The following RGSL1 variants were observed in gnomAD, a reference collection of about 807,000 sequenced individuals.
RGSL1 encodes regulator of G protein signaling protein-like.
A neutral mutation model predicts 124.7 loss-of-function variants in RGSL1; 97 were observed. The observed-to-expected ratio is 0.78, with a 90% CI of 0.66 to 0.92. The LOEUF is 0.92. RGSL1 is among the 40% of genes least tolerant of loss of function. The probability of loss-of-function intolerance (pLI) is 0.00; values close to 1 mark genes in which losing one functional copy is unlikely to be tolerated. For missense variants in RGSL1, 1,233 were observed against 1,288.4 expected, an observed-to-expected ratio of 0.96 and a Z score of 0.66; for synonymous variants, 424 against 438.1, an observed-to-expected ratio of 0.97 and a Z score of 0.40.
chr1:182,546,760 AAAT>A (rs1177947826), intron 15 of RGSL1, among the ~76,000 whole-genome samples: 1 of 152,218 alleles, frequency 6.6e-6, no homozygotes, highest in Non-Finnish European at 1.5e-5. Flanking sequence ...GTTTTCATAG[AAAT>A]AATAACTTTT....
intron 18 of RGSL1, among the ~76,000 whole-genome samples, chr1:182,552,258 C>T (rs2102333546): frequency 6.6e-6 from 1 of 152,174 alleles, no homozygotes; most frequent in Non-Finnish European, 1.5e-5. Flanking sequence ...GGACTACAGG[C>T]ACCTGCCACT....
chr1:182,466,738 A>AT (rs1653363367), intron 4 of RGSL1, among the ~76,000 whole-genome samples: 1 of 152,208 alleles, frequency 6.6e-6, no homozygotes, highest in Non-Finnish European at 1.5e-5. Context: ...TGTTGTTAAC[A>AT]TGCCAATACA....
intron 8 of RGSL1, among the ~76,000 whole-genome samples, chr1:182,491,735 C>G (rs185574088): frequency 9.4e-4 from 143 of 152,282 alleles, no homozygotes; most frequent in African/African-American, 3.4e-3. Flanking sequence ...CACCCCAGTA[C>G]TCTTTATAGA....
At position 182,554,676 on chromosome 1, in the gene RGSL1, G is replaced by C; in HGVS notation, c.3180G>C (p.Gln1060His). Reference sequence around the variant, plus strand: ...CAAGACTCGTGGTATCTGCCATGCAGCTGCATCCCGTCCAGGGGTAGGCAT... The same window carrying C: ...CAAGACTCGTGGTATCTGCCATGCACCTGCATCCCGTCCAGGGGTAGGCAT... ...TQPRLVVSAM[Q>H]LHPVQGQKLS... Residue 1060 changes from glutamine (Q) to histidine (H), a missense_variant, in exon 20 of 22, where the codon CAG becomes CAC. Coordinates refer to ENST00000294854, the MANE Select transcript of RGSL1 (RefSeq NM_001137669.2). 1 of 1,551,688 alleles carries C rather than the reference G, an allele frequency of 6.4e-7. No homozygotes were observed. Among genetic ancestry groups the C allele is most frequent in the South Asian group, 1.2e-5 (1 of 84,060 alleles).
chr1:182,480,084 T>C (rs1223537457), intron 6 of RGSL1, among the ~76,000 whole-genome samples: 2 of 152,174 alleles, frequency 1.3e-5, no homozygotes, highest in African/African-American at 2.4e-5. Context: ...GGATACATCA[T>C]ACGGACAGAA....
At chr1:182,535,985 T>C (rs1659510750) in intron 14 of RGSL1, among the ~76,000 whole-genome samples, 1 of 152,174 alleles carries the variant, frequency 6.6e-6, no homozygotes, top group South Asian at 2.1e-4. Context: ...CTGCTTTCTA[T>C]TACTACAGTT....
chr1:182,501,068 C>T (rs903962599), intron 9 of RGSL1, among the ~76,000 whole-genome samples: 3 of 152,050 alleles, frequency 2.0e-5, no homozygotes, highest in African/African-American at 7.2e-5. Flanking sequence ...TGTCTTCTTC[C>T]TGAGCTGAGG....
chr1:182,448,999 G>A (rs1233771895), upstream of RGSL1, among the ~76,000 whole-genome samples: 1 of 152,102 alleles, frequency 6.6e-6, no homozygotes, highest in African/African-American at 2.4e-5. Context: ...TATTTTAGGA[G>A]GAGACCTTGA....
chr1:182,492,160 A>G (rs1278019624), intron 8 of RGSL1, among the ~76,000 whole-genome samples: 2 of 152,184 alleles, frequency 1.3e-5, no homozygotes, highest in Non-Finnish European at 1.5e-5. Flanking sequence ...GCCATTTGTT[A>G]TTCTTAGGGG....
Position 182,454,077 on chromosome 1 carries a change from A to G in RGSL1, c.96+37A>G, listed in dbSNP as rs145495341. On this transcript the variant is annotated intron_variant, in intron 2 of 21. Coordinates refer to ENST00000294854, the MANE Select transcript of RGSL1 (RefSeq NM_001137669.2). ...CAGATTTAAATACAAATATTTCATCAGCAGCTGAATAGTGAATCTCACAGA... is the reference window on the plus strand; with the variant it reads ...CAGATTTAAATACAAATATTTCATCGGCAGCTGAATAGTGAATCTCACAGA... The G allele has an allele frequency of 1.7e-3, 2,050 of 1,216,646 alleles. 20 individuals carry two copies. In the African/African-American group the frequency reaches 0.018, roughly 11 times the overall value. The allele number at this position is 1,216,646 out of a possible 1,614,324, so 75.4% of individuals were successfully genotyped here. A position where few individuals can be genotyped will look rare whatever the true frequency, so the allele number is the denominator to read the frequency against.
At chr1:182,509,867 TCCTCACTTCCCAGATGGGGTGGCTGCC>T (rs1657253913) in intron 9 of RGSL1, among the ~76,000 whole-genome samples, 2 of 138,220 alleles carry the variant, frequency 1.4e-5, no homozygotes, top group Admixed American at 6.9e-5. Context: ...GCGGAGACGC[TCCTCACTTCCCAGATGGGGTGGCTGCC>T]GGGCGGAGAG....
chr1:182,473,858 G>A lies in RGSL1; in HGVS notation c.747G>A (p.Arg249=). Residue 249 remains arginine, a synonymous_variant, in exon 6 of 22, where the codon AGG becomes AGA. Coordinates refer to ENST00000294854, the MANE Select transcript of RGSL1 (RefSeq NM_001137669.2). ...CHHFQKRYSS[R]KAKRKMWQLV... is the part of the protein sequence containing the mutation. ...ACTTTCAGAAACGGTACTCAAGCAG[G>A]AAAGCCAAGAGGAAGATGTGGCAAT... 2 of 1,551,792 alleles carry A rather than the reference G, an allele frequency of 1.3e-6. No homozygotes were observed. Among genetic ancestry groups the A allele is most frequent in the South Asian group, 1.2e-5 (1 of 84,056 alleles).
intron 8 of RGSL1, among the ~76,000 whole-genome samples, chr1:182,491,695 T>A (rs1361085695): frequency 6.6e-6 from 1 of 152,172 alleles, no homozygotes; most frequent in African/African-American, 2.4e-5. Flanking sequence ...GTGATGATGA[T>A]GATGATGATG....
Position 182,489,113 on chromosome 1 carries a change from A to T in RGSL1, c.1628A>T (p.Asp543Val). 1.3e-6 allele frequency: 2 copies of T among 1,551,682 alleles called. No individual in the cohort carries two copies. The highest frequency in any genetic ancestry group is 1.7e-6 in the Non-Finnish European group (2 of 1,147,000). Residue 543 changes from aspartate to valine, a missense_variant, in exon 8 of 22, where the codon GAC becomes GTC. By Grantham distance (152) the Asp-to-Val change is radical. Coordinates refer to ENST00000294854, the MANE Select transcript of RGSL1 (RefSeq NM_001137669.2). ...GCTTTGGCTGACATGAAGGAAATGG[A>T]CTATAGGCAGTGGCGAAAGATAGCT... ...SQALADMKEM[D>V]YRQWRKIATE... is the part of the protein sequence containing the mutation.
intron 4 of RGSL1, among the ~76,000 whole-genome samples, chr1:182,464,594 G>A (rs925587827): frequency 2.6e-5 from 4 of 151,662 alleles, no homozygotes; most frequent in African/African-American, 9.7e-5. Context: ...CATGTTGGCG[G>A]GATCCTGTAA....
intron 6 of RGSL1, among the ~76,000 whole-genome samples, chr1:182,484,553 C>T (rs989088474): frequency 6.6e-6 from 1 of 152,184 alleles, no homozygotes; most frequent in African/African-American, 2.4e-5. Flanking sequence ...GCGTGTGAAG[C>T]TTTGGCTTCA....
intron 12 of RGSL1, 31 bp from the exon 13 acceptor site, chr1:182,530,759 C>A: frequency 6.7e-7 from 1 of 1,493,564 alleles, no homozygotes; most frequent in African/African-American, 1.4e-5. Context: ...GGTTTTTGCC[C>A]TGTTTGATAT....
rs536888812 is a variant in RGSL1 at position 182,543,233 on chromosome 1, C to T, written c.2669+2812C>T. Reference sequence around the variant, plus strand: ...TATTTTGAGGTATATTTCTTCCATACCCAATTTGTTGATGGTTTTTACCAT... The same window carrying T: ...TATTTTGAGGTATATTTCTTCCATATCCAATTTGTTGATGGTTTTTACCAT... On this transcript the variant is annotated intron_variant, in intron 15 of 21. Coordinates refer to ENST00000294854, the MANE Select transcript of RGSL1 (RefSeq NM_001137669.2). 2.2e-4 allele frequency among the ~76,000 whole-genome samples: 34 copies of T among 152,162 alleles called. 1 individual carries two copies. The South Asian group carries it at 4.4e-3, about 20-fold the overall frequency.
At chr1:182,530,181 C>A in intron 11 of RGSL1, 63 bp from the exon 12 acceptor site, 4 of 1,280,766 alleles carry the variant, frequency 3.1e-6, no homozygotes, top group Admixed American at 2.6e-5. Context: ...AACAAAAAAC[C>A]ACCAGCTATC....
Sources: allele counts gnomAD v4.1 joint callset (sites outside exome capture counted in the v4.1 genomes callset), GRCh38; gene constraint gnomAD v4.1.1; transcripts MANE v1.5; gene names NCBI Gene and HGNC (gene_info 2026-07-23, HGNC 2026-07-21).